The following KIF16B variants were observed in gnomAD, a reference collection of about 807,000 sequenced individuals.
KIF16B encodes the protein kinesin-like protein KIF16B.
Under a neutral mutation model 156.3 loss-of-function variants are expected in KIF16B, and 98 were observed. The observed-to-expected ratio is 0.63, with a 90% CI of 0.53 to 0.74. KIF16B has a LOEUF of 0.74. KIF16B is among the 30% of genes least tolerant of loss of function. The probability of loss-of-function intolerance (pLI) is 0.00; values close to 1 mark genes in which losing one functional copy is unlikely to be tolerated. For synonymous variants in KIF16B, 564 were observed against 583.7 expected, an observed-to-expected ratio of 0.97 and a Z score of 0.49; for missense variants, 1,421 against 1,606.5, an observed-to-expected ratio of 0.88 and a Z score of 1.97.
At chr20:16,543,415 T>C (rs2070280442) in intron 1 of KIF16B, among the ~76,000 whole-genome samples, 1 of 152,160 alleles carries the variant, frequency 6.6e-6, no homozygotes, top group South Asian at 2.1e-4. Context: ...CCAAAGTTAT[T>C]TGAGTGACTA....
At chr20:16,534,968 G>C (rs981442604) in intron 1 of KIF16B, among the ~76,000 whole-genome samples, 6 of 151,940 alleles carry the variant, frequency 3.9e-5, no homozygotes, top group African/African-American at 1.2e-4. Flanking sequence ...TAGGGTTGCT[G>C]TGGCTATTTA....
chr20:16,348,373 C>T (rs916555677), intron 23 of KIF16B, among the ~76,000 whole-genome samples: 1 of 152,160 alleles, frequency 6.6e-6, no homozygotes, highest in African/African-American at 2.4e-5. Flanking sequence ...AGCTGTGTGG[C>T]CTTGGGCAAG....
At chr20:16,416,880 C>A (rs930291200) in intron 15 of KIF16B, among the ~76,000 whole-genome samples, 3 of 152,024 alleles carry the variant, frequency 2.0e-5, no homozygotes, top group African/African-American at 7.2e-5. Flanking sequence ...AGAGAGAACT[C>A]CAGGAGAAGC....
chr20:16,273,157 G>T lies in KIF16B; in HGVS notation c.*96C>A. 1 of 1,056,362 alleles carries T rather than the reference G, an allele frequency of 9.5e-7. No homozygotes were observed. Among genetic ancestry groups the T allele is most frequent in the Non-Finnish European group, 1.4e-6 (1 of 693,454 alleles). 65.4% of individuals were successfully genotyped at this position (1,056,362 alleles called of 1,614,324 possible). A position where few individuals can be genotyped will look rare whatever the true frequency, so the allele number is the denominator to read the frequency against. ...TGCATGTCTGTCTTCAGCAGGAGGA[G>T]GCAGACCCGGATCCTCGCATGGGGG... On this transcript the variant is annotated 3_prime_UTR_variant, in exon 26 of 26. Coordinates refer to ENST00000354981, the MANE Select transcript of KIF16B (RefSeq NM_024704.5).
chr20:16,512,013 A>G (rs565400094), intron 5 of KIF16B, among the ~76,000 whole-genome samples: 2 of 151,972 alleles, frequency 1.3e-5, no homozygotes, highest in Non-Finnish European at 2.9e-5. Context: ...TGGGTGTGGT[A>G]GCGGACACCT....
chr20:16,386,816 C>G (rs1311340870), intron 17 of KIF16B, among the ~76,000 whole-genome samples: 1 of 152,236 alleles, frequency 6.6e-6, no homozygotes, highest in Non-Finnish European at 1.5e-5. Context: ...TCTCAACCTT[C>G]CTACACCTCA....
At chr20:16,296,733 G>T (rs1312152415) in intron 25 of KIF16B, among the ~76,000 whole-genome samples, 1 of 152,242 alleles carries the variant, frequency 6.6e-6, no homozygotes, top group African/African-American at 2.4e-5. Context: ...CGTATCTGGG[G>T]TGAATAAAAA....
At chr20:16,410,381 A>T (rs2065924412) in intron 15 of KIF16B, among the ~76,000 whole-genome samples, 4 of 151,056 alleles carry the variant, frequency 2.6e-5, no homozygotes. Context: ...ACATACACAC[A>T]CATATACAGG....
intron 1 of KIF16B, among the ~76,000 whole-genome samples, chr20:16,570,441 A>G (rs555522992): frequency 5.3e-4 from 80 of 152,304 alleles, no homozygotes; most frequent in African/African-American, 1.8e-3. Flanking sequence ...TCCGTGATCA[A>G]TGCAGAGGCG....
intron 3 of KIF16B, among the ~76,000 whole-genome samples, chr20:16,517,288 C>T (rs1476193359): frequency 6.6e-6 from 1 of 152,246 alleles, no homozygotes; most frequent in Non-Finnish European, 1.5e-5. Flanking sequence ...AATTGCCAGT[C>T]TCACTCATTC....
intron 1 of KIF16B, among the ~76,000 whole-genome samples, chr20:16,558,501 G>A (rs2070936333): frequency 6.6e-6 from 1 of 152,194 alleles, no homozygotes; most frequent in Non-Finnish European, 1.5e-5. Flanking sequence ...TATAAAAGAG[G>A]CTCCAGGATA....
intron 1 of KIF16B, among the ~76,000 whole-genome samples, chr20:16,532,364 G>A (rs1473827951): frequency 6.6e-6 from 1 of 152,134 alleles, no homozygotes; most frequent in African/African-American, 2.4e-5. Context: ...AGCATTTGCA[G>A]TAAACACCAT....
intron 1 of KIF16B, among the ~76,000 whole-genome samples, chr20:16,566,896 A>G (rs2071274898): frequency 6.6e-6 from 1 of 152,260 alleles, no homozygotes; most frequent in African/African-American, 2.4e-5. Context: ...TATACTGGCC[A>G]GCATAGGGAT....
At chr20:16,367,102 A>G in intron 22 of KIF16B, 3 of 1,501,946 alleles carry the variant, frequency 2.0e-6, no homozygotes, top group Non-Finnish European at 1.8e-6. Flanking sequence ...TTATTTTATT[A>G]ATGATCTCAA....
intron 24 of KIF16B, among the ~76,000 whole-genome samples, chr20:16,328,590 C>T (rs1005275773): frequency 1.3e-5 from 2 of 152,208 alleles, no homozygotes; most frequent in African/African-American, 4.8e-5. Flanking sequence ...TCCAGTACTT[C>T]ATCTGTTTCA....
In KIF16B at chr20:16,511,425, A is replaced by G. The variant is rs756133174; in HGVS notation, c.549T>C (p.Tyr183=). ...RVREHPKEGP[Y]VEDLSKHLVQ... ...TGAAATATCTACTCTTACCCTCAAC[A>G]TAAGGGCCTTCTTTGGGATGCTCAC... Residue 183 remains tyrosine, a synonymous_variant, in exon 6 of 26, where the codon TAT becomes TAC. Transcript: ENST00000354981. The G allele has an allele frequency of 6.3e-7, 1 of 1,582,228 alleles. No individual in the cohort carries two copies. Among genetic ancestry groups the G allele is most frequent in the South Asian group, 1.1e-5 (1 of 87,840 alleles).
chr20:16,520,872 G>C (rs2069324114), intron 3 of KIF16B, among the ~76,000 whole-genome samples: 1 of 152,176 alleles, frequency 6.6e-6, no homozygotes, highest in South Asian at 2.1e-4. Flanking sequence ...CTCCGCTGGT[G>C]ATACCCAGGC....
At chr20:16,366,076 G>T (rs867592105) in intron 22 of KIF16B, among the ~76,000 whole-genome samples, 6 of 78,212 alleles carry the variant, frequency 7.7e-5, no homozygotes, top group Admixed American at 2.4e-4. Context: ...TTGGACAGAG[G>T]GGGACAGAGA....
rs188745779 is a variant in KIF16B at position 16,440,469 on chromosome 20, G to A, written c.1303-10487C>T. ...AATGAACTAAAAATATAAAAGCCTT[G>A]CTTTTTCCATGACTTTAAAACAATC... is the stretch of plus-strand genomic sequence containing the variant. On this transcript the variant is annotated intron_variant, in intron 12 of 25. Coordinates refer to ENST00000354981, the MANE Select transcript of KIF16B (RefSeq NM_024704.5). Among the ~76,000 whole-genome samples the A allele has an allele frequency of 5.3e-5, 8 of 150,282 alleles. No individual in the cohort carries two copies. The East Asian group carries it at 1.6e-3, about 30-fold the overall frequency.
Sources: gnomAD v4.1 joint callset for allele counts (sites outside exome capture counted in the v4.1 genomes callset) on GRCh38, gnomAD v4.1.1 for gene constraint, MANE v1.5 for transcripts, NCBI Gene and HGNC (gene_info 2026-07-23, HGNC 2026-07-21) for gene names.